The following CDC14B variants were observed in gnomAD, a reference collection of about 807,000 sequenced individuals.
CDC14B encodes cell division cycle 14B, also known as dual specificity protein phosphatase CDC14B.
A neutral mutation model predicts 64.2 loss-of-function variants in CDC14B; 22 were observed. The observed-to-expected ratio is 0.34, with a 90% confidence interval of 0.24 to 0.49. CDC14B has a LOEUF of 0.49. CDC14B is among the 20% of genes least tolerant of loss of function. The pLI, the probability that CDC14B is intolerant of heterozygous loss-of-function variation, is 0.99. For synonymous variants in CDC14B, 191 were observed against 215.8 expected (o/e 0.89, Z 1.01); for missense variants, 498 against 629.9 (o/e 0.79, Z 2.24).
At chr9:96,509,814 G>C (rs749527009) in intron 12 of CDC14B, 25 bp from the exon 13 acceptor site, 5 of 1,412,338 alleles carry the variant, frequency 3.5e-6, no homozygotes, top group Non-Finnish European at 5.0e-6. Context: ...AAAAAAATAA[G>C]ATTATATTCA....
At chr9:96,559,509 G>A (rs1015219580) in intron 4 of CDC14B, among the ~76,000 whole-genome samples, 1 of 152,178 alleles carries the variant, frequency 6.6e-6, no homozygotes, top group Non-Finnish European at 1.5e-5. Flanking sequence ...AGGATTTAAC[G>A]TATTTTAACC....
intron 1 of CDC14B, among the ~76,000 whole-genome samples, chr9:96,611,636 G>T (rs1302723399): frequency 6.6e-6 from 1 of 152,050 alleles, no homozygotes; most frequent in Admixed American, 6.5e-5. Context: ...TAGATTTAAA[G>T]ATCTCATTTC....
At position 96,549,533 on chromosome 9, in the gene CDC14B, C is replaced by T. The variant is rs142594859; in HGVS notation, c.497+2263G>A. ...TACAAAAATTAGCCAGGCGTGGTGG[C>T]ACACGCCTGTAGTCCTAGCTACTCG... On this transcript the variant is annotated intron_variant, in intron 5 of 13. Transcript: ENST00000375241. 4.7e-3 allele frequency among the ~76,000 whole-genome samples: 711 copies of T among 152,114 alleles called. 6 individuals carry two copies. The highest frequency in any genetic ancestry group is 0.016 in the African/African-American group (675 of 41,496).
chr9:96,557,441 C>T (rs1278218255), intron 4 of CDC14B, among the ~76,000 whole-genome samples: 6 of 152,232 alleles, frequency 3.9e-5, no homozygotes, highest in East Asian at 1.9e-4. Context: ...TCTAGATCCT[C>T]GTTCTCTGTT....
chr9:96,501,045 G>C lies in CDC14B; in HGVS notation c.*2708C>G, dbSNP rs1833524887. On this transcript the variant is annotated 3_prime_UTR_variant, in exon 14 of 14. Transcript: ENST00000375241. The stretch of plus-strand genomic sequence containing the variant: ...GCTAGGGGCATCAAGCTCAGAACAG[G>C]GGAATTCTGGAGGCCGCAGAGCTGC... 2 of 152,474 alleles carry C rather than the reference G, an allele frequency of 1.3e-5. No individual in the cohort carries two copies. The highest frequency in any genetic ancestry group is 4.1e-4 in the South Asian group (2 of 4,834). 9.4% of individuals were successfully genotyped at this position (152,474 alleles called of 1,614,324 possible).
downstream of CDC14B, among the ~76,000 whole-genome samples, chr9:96,499,275 G>C (rs1353810551): frequency 6.6e-6 from 1 of 152,212 alleles, no homozygotes; most frequent in Non-Finnish European, 1.5e-5. Flanking sequence ...GTGAATCCAA[G>C]CACAGCTCCT....
downstream of CDC14B, among the ~76,000 whole-genome samples, chr9:96,495,749 C>T (rs1833214084): frequency 6.6e-6 from 1 of 152,070 alleles, no homozygotes; most frequent in Non-Finnish European, 1.5e-5. Flanking sequence ...GTTGCTGTGA[C>T]CAAGGTAGAA....
intron 12 of CDC14B, among the ~76,000 whole-genome samples, chr9:96,519,308 C>A (rs558425917): frequency 5.3e-5 from 8 of 152,102 alleles, no homozygotes; most frequent in African/African-American, 1.4e-4. Flanking sequence ...GTCATCACGT[C>A]CTGAAGATCA....
chr9:96,617,886 C>G (rs1485203285), intron 1 of CDC14B, among the ~76,000 whole-genome samples: 2 of 152,180 alleles, frequency 1.3e-5, no homozygotes, highest in African/African-American at 4.8e-5. Flanking sequence ...ATAGGCCCAC[C>G]CGTTCCCAGC....
intron 5 of CDC14B, among the ~76,000 whole-genome samples, chr9:96,547,705 A>C (rs1841160394): frequency 6.6e-6 from 1 of 152,146 alleles, no homozygotes. Flanking sequence ...CTCCTGCCTC[A>C]GCCTTCCGAA....
intron 1 of CDC14B, among the ~76,000 whole-genome samples, chr9:96,606,533 G>GTGTT (rs1181142484): frequency 1.8e-5 from 2 of 112,836 alleles, no homozygotes; most frequent in Non-Finnish European, 3.3e-5. Context: ...AAGTTTGTGT[G>GTGTT]TGTGTGTGTG....
intron 1 of CDC14B, among the ~76,000 whole-genome samples, chr9:96,612,671 C>T (rs988158086): frequency 6.6e-5 from 10 of 152,134 alleles, no homozygotes; most frequent in Admixed American, 2.0e-4. Context: ...CCGCAATATG[C>T]GATATGGTTA....
intron 1 of CDC14B, among the ~76,000 whole-genome samples, chr9:96,609,621 G>C (rs747750265): frequency 3.3e-5 from 5 of 152,130 alleles, no homozygotes; most frequent in Admixed American, 2.0e-4. Flanking sequence ...AGCTGAGATG[G>C]TCCTAAAATT....
intron 1 of CDC14B, among the ~76,000 whole-genome samples, chr9:96,596,762 G>A (rs1015763587): frequency 1.3e-5 from 2 of 151,934 alleles, no homozygotes; most frequent in African/African-American, 4.8e-5. Flanking sequence ...AGGAGGCTGA[G>A]GTGGGCGGAT....
chr9:96,534,568 C>A (rs756291922), intron 7 of CDC14B, 26 bp from the exon 8 acceptor site: 1 of 1,508,102 alleles, frequency 6.6e-7, no homozygotes, highest in Non-Finnish European at 9.2e-7. Context: ...CAGCACAATT[C>A]GTTTTTAAAT....
At chr9:96,542,723 G>A (rs774959320) in intron 5 of CDC14B, among the ~76,000 whole-genome samples, 2 of 151,520 alleles carry the variant, frequency 1.3e-5, no homozygotes, top group African/African-American at 2.4e-5. Flanking sequence ...TTAAACTCCC[G>A]GCCTCTGCCG....
At chr9:96,586,084 T>C (rs1262343060) in intron 1 of CDC14B, among the ~76,000 whole-genome samples, 2 of 152,274 alleles carry the variant, frequency 1.3e-5, no homozygotes, top group East Asian at 3.9e-4. Context: ...CCCAGGGAAC[T>C]TTAGCGTAGT....
chr9:96,591,036 C>T (rs932540686), intron 1 of CDC14B, among the ~76,000 whole-genome samples: 5 of 152,146 alleles, frequency 3.3e-5, no homozygotes, highest in Admixed American at 1.3e-4. Context: ...ATCAGAGATA[C>T]GGTTTGCTTC....
chr9:96,548,324 G>A (rs912664867), intron 5 of CDC14B, among the ~76,000 whole-genome samples: 1 of 151,998 alleles, frequency 6.6e-6, no homozygotes, highest in Admixed American at 6.6e-5. Context: ...GAAGCAAAGA[G>A]TATTATAACA....
Sources: allele counts gnomAD v4.1 joint callset (sites outside exome capture counted in the v4.1 genomes callset), GRCh38; gene constraint gnomAD v4.1.1; transcripts MANE v1.5; gene names NCBI Gene and HGNC (gene_info 2026-07-23, HGNC 2026-07-21).